The following SGTB variants were observed in gnomAD, a reference collection of about 807,000 sequenced individuals.
SGTB encodes small glutamine-rich tetratricopeptide repeat-containing protein beta.
In SGTB, 19 loss-of-function variants were observed where a neutral mutation model predicts 43.9. The observed-to-expected ratio is 0.43, with a 90% CI of 0.30 to 0.63. The LOEUF is 0.63. SGTB is among the 30% of genes least tolerant of loss of function. SGTB has a pLI of 0.12. For synonymous variants in SGTB, 116 were observed against 117.3 expected, an observed-to-expected ratio of 0.99 and a Z score of 0.07; for missense variants, 304 against 358.9, an observed-to-expected ratio of 0.85 and a Z score of 1.24.
upstream of SGTB, chr5:65,722,170 A>G (rs2548787): frequency 0.22 from 55,315 of 247,042 alleles, 6,590 homozygotes; most frequent in African/African-American, 0.29. Context: ...CAGACACGCG[A>G]GCTGGGGCGG....
chr5:65,704,038 A>AT (rs1757874998), intron 5 of SGTB, among the ~76,000 whole-genome samples: 1 of 58,386 alleles, frequency 1.7e-5, no homozygotes, highest in Non-Finnish European at 3.9e-5. Context: ...TCCGTCTCAA[A>AT]AAAAAAAAAA....
chr5:65,705,465 A>C (rs973902642), intron 4 of SGTB, among the ~76,000 whole-genome samples: 1 of 152,100 alleles, frequency 6.6e-6, no homozygotes, highest in Non-Finnish European at 1.5e-5. Context: ...AAAAAAAAGA[A>C]AAAGAAAAAG....
chr5:65,683,300 T>C (rs944956281), intron 6 of SGTB, among the ~76,000 whole-genome samples: 6 of 152,112 alleles, frequency 3.9e-5, no homozygotes, highest in African/African-American at 1.4e-4. Context: ...TCACCCTCAG[T>C]TGAGATCGAG....
chr5:65,704,305 G>A lies in SGTB; in HGVS notation c.348C>T (p.Pro116=). 6.2e-7 allele frequency: 1 copy of A among 1,611,484 alleles called. No homozygotes were observed. The highest frequency in any genetic ancestry group is 1.7e-5 in the Admixed American group (1 of 59,762). ...DCYTQAIELD[P]NNAVYYCNRA... ...TGTTGCAATAGTAAACTGCATTATT[G>A]GGATCCAATTCTATTGCCTGTGTGT... Residue 116 remains proline, a synonymous_variant, in exon 5 of 11, where the codon CCC becomes CCT. Coordinates refer to ENST00000381007, the MANE Select transcript of SGTB (RefSeq NM_019072.3).
At chr5:65,696,476 G>T (rs1241975823) in intron 5 of SGTB, among the ~76,000 whole-genome samples, 1 of 152,194 alleles carries the variant, frequency 6.6e-6, no homozygotes, top group Non-Finnish European at 1.5e-5. Context: ...ATCAGTTGTT[G>T]TTTTATGTAC....
chr5:65,674,684 A>C (rs547047158), intron 8 of SGTB, among the ~76,000 whole-genome samples: 1 of 152,108 alleles, frequency 6.6e-6, no homozygotes, highest in South Asian at 2.1e-4. Flanking sequence ...ATCTTTTGCA[A>C]CTCCTACATG....
At chr5:65,703,806 G>A (rs1757868271) in intron 5 of SGTB, among the ~76,000 whole-genome samples, 1 of 152,156 alleles carries the variant, frequency 6.6e-6, no homozygotes, top group Middle Eastern at 3.4e-3. Flanking sequence ...GGGAGGCTGA[G>A]GCAGGCAGAT....
At chr5:65,714,402 T>C (rs1258901774) in intron 2 of SGTB, among the ~76,000 whole-genome samples, 2 of 152,204 alleles carry the variant, frequency 1.3e-5, no homozygotes, top group East Asian at 1.9e-4. Flanking sequence ...AAGCAAAATA[T>C]AAAGCATGTT....
At chr5:65,704,054 A>T (rs995702257) in intron 5 of SGTB, among the ~76,000 whole-genome samples, 1 of 137,838 alleles carries the variant, frequency 7.3e-6, no homozygotes, top group Non-Finnish European at 1.6e-5. Flanking sequence ...AAAAAAAAAT[A>T]AATAAATAAA....
chr5:65,705,485 G>A (rs561954480), intron 4 of SGTB, among the ~76,000 whole-genome samples: 1 of 152,014 alleles, frequency 6.6e-6, no homozygotes, highest in South Asian at 2.1e-4. Context: ...GAAAATATTA[G>A]AAACAATGGA....
rs548362573 is a variant in SGTB at position 65,703,196 on chromosome 5, T to C, written c.374+1083A>G. ...ACCTCCATGTCCACCAGTAGGTCAA[T>C]AGGTAAGTAAACTAAGGTATGTCTA... On this transcript the variant is annotated intron_variant, in intron 5 of 10. Transcript: ENST00000381007. Among the ~76,000 whole-genome samples the C allele has an allele frequency of 5.3e-5, 8 of 152,292 alleles. No homozygotes were observed. In the South Asian group the frequency reaches 1.7e-3, roughly 32 times the overall value.
chr5:65,671,819 T>TA, intron 10 of SGTB, 96 bp downstream of exon 10: 1 of 1,108,754 alleles, frequency 9.0e-7, no homozygotes, highest in Non-Finnish European at 1.3e-6. Context: ...CGGTAAAAGA[T>TA]AAACATTTAA....
intron 2 of SGTB, among the ~76,000 whole-genome samples, chr5:65,714,924 T>A (rs1257929991): frequency 2.0e-5 from 3 of 152,152 alleles, no homozygotes; most frequent in Non-Finnish European, 4.4e-5. Flanking sequence ...AAGAATTTAG[T>A]GAGGGAGAAT....
intron 5 of SGTB, among the ~76,000 whole-genome samples, chr5:65,702,206 C>G (rs1246524414): frequency 2.6e-5 from 4 of 152,120 alleles, no homozygotes; most frequent in Non-Finnish European, 5.9e-5. Flanking sequence ...CAGGAAGCCA[C>G]TACCATCCCT....
At chr5:65,686,988 T>C (rs1295133459) in intron 5 of SGTB, among the ~76,000 whole-genome samples, 2 of 152,176 alleles carry the variant, frequency 1.3e-5, no homozygotes, top group African/African-American at 2.4e-5. Context: ...TAGTAATAAA[T>C]CAATTATTTG....
intron 5 of SGTB, among the ~76,000 whole-genome samples, chr5:65,685,734 TCTAC>T (rs1207832740): frequency 6.6e-6 from 1 of 152,192 alleles, no homozygotes; most frequent in Admixed American, 6.5e-5. Flanking sequence ...ATACAACTGG[TCTAC>T]CTATTTATAC....
At chr5:65,722,245 C>A, upstream of SGTB, 1 of 557,906 alleles carries the variant, frequency 1.8e-6, no homozygotes, top group Non-Finnish European at 2.9e-6. Flanking sequence ...AGGGCGCTGG[C>A]CAGGCAGCCA....
chr5:65,705,509 G>C (rs903464418), intron 4 of SGTB, among the ~76,000 whole-genome samples: 1 of 152,064 alleles, frequency 6.6e-6, no homozygotes, highest in Non-Finnish European at 1.5e-5. Flanking sequence ...TAGGAGGAAT[G>C]ATTTACATCT....
chr5:65,715,847 G>C (rs1436597807), intron 2 of SGTB, among the ~76,000 whole-genome samples: 2 of 152,216 alleles, frequency 1.3e-5, no homozygotes, highest in African/African-American at 4.8e-5. Flanking sequence ...TTGGCTCACT[G>C]TAACCTGTGC....
Sources: allele counts gnomAD v4.1 joint callset (sites outside exome capture counted in the v4.1 genomes callset), GRCh38; gene constraint gnomAD v4.1.1; transcripts MANE v1.5; gene names NCBI Gene and HGNC (gene_info 2026-07-23, HGNC 2026-07-21).